VEGFA: variants seen among roughly 807,000 people sequenced by gnomAD.
The protein encoded by VEGFA is vascular endothelial growth factor A, long form.
In VEGFA, 20 loss-of-function variants were observed where a neutral mutation model predicts 49.7. The observed-to-expected ratio is 0.40, with a 90% CI of 0.28 to 0.58. The LOEUF (loss-of-function observed/expected upper bound fraction) is 0.58. VEGFA is among the 20% of genes least tolerant of loss of function. The probability of loss-of-function intolerance (pLI) is 0.40; values close to 1 mark genes in which losing one functional copy is unlikely to be tolerated. For missense variants in VEGFA, 505 were observed against 553.5 expected (o/e 0.91, Z 0.88); for synonymous variants, 219 against 223.4 (o/e 0.98, Z 0.18).
rs776319361 is a variant in VEGFA, at chr6:43,777,453, A to G, written c.659-16A>G. The G allele has an allele frequency of 1.9e-6, 3 of 1,613,554 alleles. No homozygotes were observed. Among genetic ancestry groups the G allele is most frequent in the Admixed American group, 3.3e-5 (2 of 60,030 alleles). On this transcript the variant is annotated splice_polypyrimidine_tract_variant and intron_variant, in intron 2 of 7. Transcript: ENST00000672860. The surrounding 1 kb of genome is among the most constrained non-coding windows in gnomAD (Gnocchi z 4.3). Reference sequence around the variant, plus strand: ...GTGTCGCCCACCGGGCTCATGTGTCATCGCCTCTCATGCAGTGGTGAAGTT... The same window carrying G: ...GTGTCGCCCACCGGGCTCATGTGTCGTCGCCTCTCATGCAGTGGTGAAGTT...
In VEGFA at chr6:43,777,778, C is replaced by T; in HGVS notation, c.855+113C>T. On this transcript the variant is annotated intron_variant, in intron 3 of 7. Coordinates refer to ENST00000672860, the MANE Select transcript of VEGFA (RefSeq NM_003376.6). This position sits in a 1 kb window ranked among gnomAD's most constrained non-coding sequence, Gnocchi z 4.3. Reference sequence around the variant, plus strand: ...AGATTTGCCTTGTCTGGCTCCTGCCCCTGAGTTGCACAGGGGAGGTATGGT... The same window carrying T: ...AGATTTGCCTTGTCTGGCTCCTGCCTCTGAGTTGCACAGGGGAGGTATGGT... 2 of 1,188,254 alleles carry T rather than the reference C, an allele frequency of 1.7e-6. No homozygotes were observed. The highest frequency in any genetic ancestry group is 1.2e-6 in the Non-Finnish European group (1 of 844,918). The allele number at this position is 1,188,254 out of a possible 1,614,324, so 73.6% of individuals were successfully genotyped here. A position where few individuals can be genotyped will look rare whatever the true frequency, so the allele number is the denominator to read the frequency against.
In VEGFA at chr6:43,771,134, C is replaced by A. The variant is rs1173029843; in HGVS notation, c.428C>A (p.Ser143Ter). The change falls in exon 1 of 8, where the codon TCG becomes TAG. Residue 143 changes from serine (S) to a stop codon, truncating the protein, a stop_gained. Transcript: ENST00000672860. LOFTEE classifies it high-confidence loss of function. ...GCTCCCCAGGCCCTGGCCCGGGCCT[C>A]GGGCCGGGGAGGAAGAGTAGCTCGC... is the stretch of plus-strand genomic sequence containing the variant. 6.7e-7 allele frequency: 1 copy of A among 1,495,226 alleles called. No individual in the cohort carries two copies. The highest frequency in any genetic ancestry group is 8.9e-7 in the Non-Finnish European group (1 of 1,126,826). 92.6% of individuals were successfully genotyped at this position (1,495,226 alleles called of 1,614,324 possible).
rs2146323 is a variant in VEGFA, at chr6:43,777,358, C to A, written c.659-111C>A. ...GGACTTACGTTAGATTTTGGAAGGA[C>A]TTGCCTGATTCGGAAGCTCCAAAGA... On this transcript the variant is annotated intron_variant, in intron 2 of 7. Transcript: ENST00000672860. The surrounding 1 kb of genome is among the most constrained non-coding windows in gnomAD (Gnocchi z 4.3). 0.34 allele frequency: 422,954 copies of A among 1,249,802 alleles called. 72,912 individuals carry two copies. The highest frequency in any genetic ancestry group is 0.41 in the South Asian group (32,842 of 80,112). 77.4% of individuals were successfully genotyped at this position (1,249,802 alleles called of 1,614,324 possible).
At chr6:43,780,958 A>G in intron 6 of VEGFA, 155 bp downstream of exon 6, 1 of 1,571,350 alleles carries the variant, frequency 6.4e-7, no homozygotes, top group South Asian at 1.1e-5. Flanking sequence ...CTCTCACTCC[A>G]CTAATTGGCA....
rs1402738500 is a variant in VEGFA, at chr6:43,770,276, T to A, written c.-431T>A. On this transcript the variant is annotated 5_prime_UTR_variant, in exon 1 of 8. Transcript: ENST00000672860. Reference sequence around the variant, plus strand: ...GCTGGGGGCTAGCACCAGCGCTCTGTCGGGAGGCGCAGCGGTTAGGTGGAC... The same window carrying A: ...GCTGGGGGCTAGCACCAGCGCTCTGACGGGAGGCGCAGCGGTTAGGTGGAC... 1 of 255,038 alleles carries A rather than the reference T, an allele frequency of 3.9e-6. No individual in the cohort carries two copies. The highest frequency in any genetic ancestry group is 7.5e-6 in the Non-Finnish European group (1 of 133,084). 15.8% of individuals were successfully genotyped at this position (255,038 alleles called of 1,614,324 possible).
intron 5 of VEGFA, 185 bp from the exon 6 acceptor site, chr6:43,780,547 C>T (rs1323622843): frequency 4.0e-6 from 3 of 754,998 alleles, no homozygotes; most frequent in Non-Finnish European, 6.5e-6. Flanking sequence ...TGCTTGCTGC[C>T]CAGACACGCC....
chr6:43,781,890 G>T, intron 6 of VEGFA, 66 bp from the exon 7 acceptor site: 3 of 1,602,752 alleles, frequency 1.9e-6, no homozygotes, highest in South Asian at 1.1e-5. Flanking sequence ...GTGTTGCATG[G>T]TGATTTTTTT....
At chr6:43,780,157 G>A (rs1014983249) in intron 5 of VEGFA, 7 of 210,994 alleles carry the variant, frequency 3.3e-5, no homozygotes, top group Admixed American at 5.3e-5. Flanking sequence ...TTGGTTCCGT[G>A]CCAGCTCCCA....
At chr6:43,782,306 T>C (rs1768099550) in intron 7 of VEGFA, 1 of 655,042 alleles carries the variant, frequency 1.5e-6, no homozygotes, top group Non-Finnish European at 2.5e-6. Context: ...CGGGGCCTGT[T>C]CCGAGGTTGC....
At chr6:43,774,957 GC>G in intron 2 of VEGFA, 1 of 164,036 alleles carries the variant, frequency 6.1e-6, no homozygotes, top group Non-Finnish European at 1.3e-5. Context: ...GCTCCCAGGC[GC>G]CCCGCCCCCC....
At chr6:43,784,438 C>T (rs1769047957) in intron 7 of VEGFA, 103 bp from the exon 8 acceptor site, 8 of 1,092,524 alleles carry the variant, frequency 7.3e-6, no homozygotes, top group Non-Finnish European at 1.1e-5. Flanking sequence ...GTGCCGGAGG[C>T]TGCAGTGACC....
chr6:43,774,569 C>T (rs539091130), intron 2 of VEGFA, 177 bp downstream of exon 2: 18 of 723,638 alleles, frequency 2.5e-5, no homozygotes, highest in South Asian at 1.1e-4. Flanking sequence ...GAGGACTCTC[C>T]GCTGTTCAGG....
intron 4 of VEGFA, 140 bp from the exon 5 acceptor site, chr6:43,778,749 T>C (rs1217438423): frequency 2.8e-6 from 3 of 1,055,386 alleles, no homozygotes; most frequent in Non-Finnish European, 4.3e-6. Context: ...AAACAAGTTA[T>C]ATATGAAAAG....
At chr6:43,782,638 C>T (rs1352428200) in intron 7 of VEGFA, 1 of 208,546 alleles carries the variant, frequency 4.8e-6, no homozygotes, top group African/African-American at 2.3e-5. Context: ...GTTGTGTCTC[C>T]CCACTCAGAC....
chr6:43,782,184 G>A (rs1446761259), intron 7 of VEGFA, 97 bp downstream of exon 7: 1 of 1,541,256 alleles, frequency 6.5e-7, no homozygotes, highest in African/African-American at 1.4e-5. Context: ...GAGCGGGAGA[G>A]CGCCTGAGAG....
chr6:43,771,031 T>C lies in VEGFA; in HGVS notation c.325T>C (p.Trp109Arg). Residue 109 changes from tryptophan (W) to arginine (R), a missense_variant, in exon 1 of 8, where the codon TGG becomes CGG. Trp to Arg is a moderately radical substitution (Grantham distance 101). This residue lies in a region of VEGFA where 340 missense variants were observed against 321.8 expected (regional missense o/e 1.06). Coordinates refer to ENST00000672860, the MANE Select transcript of VEGFA (RefSeq NM_003376.6). ...GAAGGAAGAGGAGAGGGGGCCGCAG[T>C]GGCGACTCGGCGCTCGGAAGCCGGG... 1 of 1,526,340 alleles carries C rather than the reference T, an allele frequency of 6.6e-7. No individual in the cohort carries two copies. Among genetic ancestry groups the C allele is most frequent in the Non-Finnish European group, 8.8e-7 (1 of 1,136,866 alleles). 94.5% of individuals were successfully genotyped at this position (1,526,340 alleles called of 1,614,324 possible).
At chr6:43,780,345 T>G in intron 5 of VEGFA, 1 of 352,684 alleles carries the variant, frequency 2.8e-6, no homozygotes, top group Non-Finnish European at 5.5e-6. Context: ...AGGGTCAGAC[T>G]TGGACAGGGC....
chr6:43,770,767 C>G lies in VEGFA; in HGVS notation c.61C>G (p.Arg21Gly), dbSNP rs1763284025. ...CAGCTACCACCTCCTCCCCGGCCGGCGGCGGACAGTGGACGCGGCGGCGAG... is the reference window on the plus strand; with the variant it reads ...CAGCTACCACCTCCTCCCCGGCCGGGGGCGGACAGTGGACGCGGCGGCGAG... The change falls in exon 1 of 8, where the codon CGG becomes GGG. Residue 21 changes from arginine to glycine, a missense_variant. Physicochemically the swap from Arg to Gly is moderately radical, Grantham distance 125 (BLOSUM62 -2). Around this residue, in one of 2 missense-constraint regions of VEGFA, gnomAD observed 340 missense variants for 321.8 expected, o/e 1.06. Coordinates refer to ENST00000672860, the MANE Select transcript of VEGFA (RefSeq NM_003376.6). The G allele has an allele frequency of 6.7e-7, 1 of 1,484,090 alleles. No homozygotes were observed. The highest frequency in any genetic ancestry group is 8.9e-7 in the Non-Finnish European group (1 of 1,125,000). The allele number at this position is 1,484,090 out of a possible 1,614,324, so 91.9% of individuals were successfully genotyped here.
chr6:43,774,026 G>A (rs1260104375), intron 1 of VEGFA: 7 of 477,266 alleles, frequency 1.5e-5, no homozygotes, highest in Non-Finnish European at 2.7e-5. Context: ...GCAGGGAGAG[G>A]GAAGTGTGGG....
Sources: gnomAD v4.1 joint callset for allele counts on GRCh38, gnomAD v4.1.1 for gene constraint, gnomAD v4.1.1 regional missense constraint, Gnocchi (gnomAD v3.1) non-coding constraint, MANE v1.5 for transcripts, NCBI Gene and HGNC (gene_info 2026-07-23, HGNC 2026-07-21) for gene names.